Variants in PKD1L1 observed in about 807,000 individuals in gnomAD.
PKD1L1 encodes polycystin 1 like 1, transient receptor potential channel interacting.
In PKD1L1, 236 loss-of-function variants were observed where a neutral mutation model predicts 323.4. That is an observed-to-expected ratio of 0.73 (90% CI 0.66 to 0.81). The LOEUF (loss-of-function observed/expected upper bound fraction) is 0.81. Ranked by LOEUF, PKD1L1 falls within the 40% of genes least tolerant of loss-of-function variation. The pLI, the probability that PKD1L1 is intolerant of heterozygous loss-of-function variation, is 0.00. For missense variants in PKD1L1, 3,320 were observed against 3,508.0 expected (o/e 0.95, Z 1.35); for synonymous variants, 1,344 against 1,335.0 (o/e 1.01, Z -0.15).
intron 56 of PKD1L1, among the ~76,000 whole-genome samples, chr7:47,776,280 G>A (rs1322745439): frequency 2.0e-5 from 3 of 152,108 alleles, no homozygotes; most frequent in African/African-American, 4.8e-5. Flanking sequence ...AAACCCATCC[G>A]GAAAACTGAA....
intron 13 of PKD1L1, 35 bp from the exon 14 acceptor site, chr7:47,898,229 T>A (rs775833891): frequency 1.3e-6 from 2 of 1,545,136 alleles, no homozygotes; most frequent in South Asian, 2.3e-5. Flanking sequence ...CTCATTAAAA[T>A]GTCCATCACA....
At position 47,800,876 on chromosome 7, in the gene PKD1L1, C is replaced by A. The variant is rs747906480; in HGVS notation, c.7966G>T (p.Val2656Leu). Reference sequence around the variant, plus strand: ...AGGGCGGCCAGCATCAGTGCCCCCACCAGCTGCAGAAAGAAAATCCAGAGA... The same window carrying A: ...AGGGCGGCCAGCATCAGTGCCCCCAACAGCTGCAGAAAGAAAATCCAGAGA... Reference protein sequence around the residue: ...SLPSIFVAGLVGALMLAALSH... With the variant: ...SLPSIFVAGLLGALMLAALSH... Residue 2656 changes from valine (V) to leucine (L), a missense_variant, in exon 54 of 57, where the codon GTG becomes TTG. Physicochemically the swap from Val to Leu is conservative, Grantham distance 32. Coordinates refer to ENST00000289672, the MANE Select transcript of PKD1L1 (RefSeq NM_138295.5). The A allele has an allele frequency of 4.0e-5, 64 of 1,613,400 alleles. No homozygotes were observed. The highest frequency in any genetic ancestry group is 4.7e-5 in the Non-Finnish European group (56 of 1,179,586).
Position 47,905,918 on chromosome 7 carries a change from C to G in PKD1L1, c.1447G>C (p.Val483Leu). Residue 483 changes from valine to leucine, a missense_variant, in exon 10 of 57, where the codon GTG becomes CTG. Coordinates refer to ENST00000289672, the MANE Select transcript of PKD1L1 (RefSeq NM_138295.5). ...ACTTGAGTCTGAGAAATAAAGGACA[C>G]GTTATATGAAGGAATAGATGGAAAG... ...HHFPSIPSYN[V>L]SFISQTQVGD... 1.2e-6 allele frequency: 2 copies of G among 1,612,438 alleles called. 1 individual carries two copies. Among genetic ancestry groups the G allele is most frequent in the South Asian group, 2.2e-5 (2 of 90,846 alleles).
rs1562977381 is a variant in PKD1L1, at chr7:47,893,953, GAGA to G, written c.2375_2377del (p.Phe792del). ...GACAATGGGGGATGAGGTGGTCCTG[GAGA>G]AGAATAGGTGTGTGCCCTCGGAGAT... On this transcript the variant is annotated inframe_deletion, in exon 15 of 57. Transcript: ENST00000289672. The G allele has an allele frequency of 1.2e-6, 2 of 1,614,048 alleles. No homozygotes were observed. The highest frequency in any genetic ancestry group is 2.2e-5 in the South Asian group (2 of 91,070).
Position 47,881,802 on chromosome 7 carries a change from T to G in PKD1L1, c.3442+107A>C, listed in dbSNP as rs189686706. ...GCACAAGTAGAAAAGGTACCACAAT[T>G]CTAAATACTTATCTAGTAAAACGAA... On this transcript the variant is annotated intron_variant, in intron 20 of 56. Transcript: ENST00000289672. 2.9e-3 allele frequency: 3,173 copies of G among 1,100,762 alleles called. 6 individuals carry two copies. The highest frequency in any genetic ancestry group is 3.6e-3 in the Non-Finnish European group (2,798 of 771,322). The allele number at this position is 1,100,762 out of a possible 1,614,324, so 68.2% of individuals were successfully genotyped here. A position where few individuals can be genotyped will look rare whatever the true frequency, so the allele number is the denominator to read the frequency against.
chr7:47,916,327 G>T (rs1438744953), intron 7 of PKD1L1, among the ~76,000 whole-genome samples: 2 of 152,162 alleles, frequency 1.3e-5, no homozygotes, highest in Non-Finnish European at 2.9e-5. Context: ...GTTCTTTCTA[G>T]AGTTGACCTA....
chr7:47,849,515 C>A (rs577008245), intron 31 of PKD1L1, among the ~76,000 whole-genome samples: 19 of 152,106 alleles, frequency 1.2e-4, no homozygotes, highest in Middle Eastern at 3.4e-3. Context: ...AAACAAATAA[C>A]CCCATCAAAA....
intron 15 of PKD1L1, among the ~76,000 whole-genome samples, 159 bp downstream of exon 15, chr7:47,893,719 A>G (rs2128749204): frequency 6.6e-6 from 1 of 152,314 alleles, no homozygotes; most frequent in East Asian, 1.9e-4. Context: ...CTTTTCCTCA[A>G]TTCCCTTATA....
At chr7:47,880,324 C>T (rs1786523629) in intron 21 of PKD1L1, among the ~76,000 whole-genome samples, 1 of 120,594 alleles carries the variant, frequency 8.3e-6, no homozygotes, top group African/African-American at 3.6e-5. Context: ...CTCTGTCGCC[C>T]AGGCTGGAGT....
intron 21 of PKD1L1, among the ~76,000 whole-genome samples, chr7:47,878,001 C>T (rs1212942493): frequency 6.6e-6 from 1 of 151,752 alleles, no homozygotes; most frequent in Non-Finnish European, 1.5e-5. Flanking sequence ...GGCAACCACC[C>T]AGACAGAAAC....
upstream of PKD1L1, among the ~76,000 whole-genome samples, chr7:47,950,590 ATC>A (rs1788190195): frequency 6.6e-6 from 1 of 152,120 alleles, no homozygotes; most frequent in Admixed American, 6.6e-5. Flanking sequence ...CACGCCTGTA[ATC>A]CCAGCTATCC....
At chr7:47,904,719 A>C in intron 11 of PKD1L1, 102 bp from the exon 12 acceptor site, 5 of 1,131,934 alleles carry the variant, frequency 4.4e-6, no homozygotes, top group Non-Finnish European at 5.0e-6. Context: ...AAGGCGGGGG[A>C]GGGGGAGGCA....
At chr7:47,867,528 T>A (rs550286995) in intron 24 of PKD1L1, among the ~76,000 whole-genome samples, 118 of 152,262 alleles carry the variant, frequency 7.7e-4, no homozygotes, top group Middle Eastern at 6.8e-3. Flanking sequence ...TGTCCAGTTA[T>A]CAATGAAAAA....
At chr7:47,791,085 C>G (rs1786934981) in intron 56 of PKD1L1, among the ~76,000 whole-genome samples, 1 of 152,018 alleles carries the variant, frequency 6.6e-6, no homozygotes, top group Admixed American at 6.6e-5. Context: ...GGACACAGTT[C>G]TTTTTTAAAT....
chr7:47,894,496 T>C (rs1438753974), intron 14 of PKD1L1, among the ~76,000 whole-genome samples: 2 of 152,086 alleles, frequency 1.3e-5, no homozygotes, highest in East Asian at 1.9e-4. Flanking sequence ...TTAAGACAAA[T>C]ACTTTTAAAC....
intron 14 of PKD1L1, among the ~76,000 whole-genome samples, chr7:47,895,109 C>T (rs935603718): frequency 6.6e-6 from 1 of 152,140 alleles, no homozygotes; most frequent in Admixed American, 6.5e-5. Flanking sequence ...TATACAAAGG[C>T]TGGAGGAGGC....
upstream of PKD1L1, among the ~76,000 whole-genome samples, chr7:47,950,824 C>T (rs556891757): frequency 2.0e-5 from 3 of 152,290 alleles, no homozygotes; most frequent in East Asian, 5.8e-4. Flanking sequence ...CCCTCGGGGC[C>T]AGCGCTGGGC....
chr7:47,803,112 A>C lies in PKD1L1; in HGVS notation c.7962+98T>G, dbSNP rs187056292. Reference sequence around the variant, plus strand: ...AGACTGGAATTCTAGACGGTGTTTAACCTTGAGAGCAGTTTGTTTTTCCCT... The same window carrying C: ...AGACTGGAATTCTAGACGGTGTTTACCCTTGAGAGCAGTTTGTTTTTCCCT... On this transcript the variant is annotated intron_variant, in intron 53 of 56. Transcript: ENST00000289672. The C allele has an allele frequency of 4.8e-6, 7 of 1,470,998 alleles. No homozygotes were observed. The East Asian group carries it at 1.6e-4, about 34-fold the overall frequency. 91.1% of individuals were successfully genotyped at this position (1,470,998 alleles called of 1,614,324 possible). A position where few individuals can be genotyped will look rare whatever the true frequency, so the allele number is the denominator to read the frequency against.
At chr7:47,786,839 C>T (rs73329456) in intron 56 of PKD1L1, among the ~76,000 whole-genome samples, 5 of 152,132 alleles carry the variant, frequency 3.3e-5, no homozygotes, top group Admixed American at 6.5e-5. Flanking sequence ...GAGGTCTCTT[C>T]GGGGTCCAAG....
Sources: gnomAD v4.1 joint callset for allele counts (sites outside exome capture counted in the v4.1 genomes callset) on GRCh38, gnomAD v4.1.1 for gene constraint, MANE v1.5 for transcripts, NCBI Gene and HGNC (gene_info 2026-07-23, HGNC 2026-07-21) for gene names.